NSUN6: variants seen among roughly 807,000 people sequenced by gnomAD.
NSUN6 encodes the protein tRNA (cytosine(72)-C(5))-methyltransferase NSUN6.
A neutral mutation model predicts 58.0 loss-of-function variants in NSUN6; 64 were observed. That is an observed-to-expected ratio of 1.10 (90% confidence interval 0.90 to 1.36). NSUN6 has a LOEUF of 1.36. Among genes scored for constraint, NSUN6 ranks in the 40% most tolerant of loss-of-function variants. The probability of loss-of-function intolerance (pLI) is 0.00; values close to 1 mark genes in which losing one functional copy is unlikely to be tolerated. For synonymous variants in NSUN6, 231 were observed against 193.9 expected (o/e 1.19, Z -1.59); for missense variants, 701 against 550.1 (o/e 1.27, Z -2.74).
chr10:18,551,788 T>G (rs1487232782), intron 9 of NSUN6, 35 bp downstream of exon 9: 4 of 1,591,228 alleles, frequency 2.5e-6, no homozygotes, highest in Non-Finnish European at 3.4e-6. Context: ...GTAGCAAAAG[T>G]TAACTTTGTT....
At chr10:18,569,906 T>A (rs2056237025) in intron 8 of NSUN6, among the ~76,000 whole-genome samples, 2 of 150,508 alleles carry the variant, frequency 1.3e-5, no homozygotes, top group African/African-American at 4.9e-5. Context: ...TCTATTTCCT[T>A]CCATTCTCCA....
intron 8 of NSUN6, among the ~76,000 whole-genome samples, chr10:18,578,065 T>A (rs2056740555): frequency 6.6e-6 from 1 of 152,138 alleles, no homozygotes; most frequent in South Asian, 2.1e-4. Context: ...GAAAATTGTA[T>A]ATTCGAGTGC....
At chr10:18,577,624 A>G (rs1464761341) in intron 8 of NSUN6, among the ~76,000 whole-genome samples, 1 of 152,246 alleles carries the variant, frequency 6.6e-6, no homozygotes, top group African/African-American at 2.4e-5. Flanking sequence ...AGAAAGAGCT[A>G]TAAGGAAAAT....
At chr10:18,576,245 T>G (rs1248623766) in intron 8 of NSUN6, among the ~76,000 whole-genome samples, 2 of 152,162 alleles carry the variant, frequency 1.3e-5, no homozygotes, top group African/African-American at 4.8e-5. Flanking sequence ...CTGCATTTGA[T>G]GCTTGCCTTC....
chr10:18,597,810 T>C (rs981946636), intron 6 of NSUN6, among the ~76,000 whole-genome samples: 2 of 152,098 alleles, frequency 1.3e-5, no homozygotes, highest in Admixed American at 6.6e-5. Context: ...ACAAAAAAAC[T>C]GTGAGATGGC....
intron 3 of NSUN6, among the ~76,000 whole-genome samples, chr10:18,622,483 G>A (rs12356286): frequency 0.052 from 7,939 of 152,278 alleles, 290 homozygotes; most frequent in Non-Finnish European, 0.077. Context: ...GGAGTACGAG[G>A]TGGGCAGATT....
chr10:18,650,267 G>GA (rs541294190), intron 1 of NSUN6, among the ~76,000 whole-genome samples: 5 of 147,844 alleles, frequency 3.4e-5, no homozygotes, highest in Non-Finnish European at 7.5e-5. Context: ...TTAAAGATTT[G>GA]AAAAAAAACA....
chr10:18,629,193 C>A (rs1251646449), intron 3 of NSUN6, among the ~76,000 whole-genome samples: 1 of 152,114 alleles, frequency 6.6e-6, no homozygotes, highest in African/African-American at 2.4e-5. Context: ...CCTTTACAGA[C>A]AAGCAAATGC....
At chr10:18,588,821 C>T (rs2057271516) in intron 7 of NSUN6, among the ~76,000 whole-genome samples, 2 of 152,292 alleles carry the variant, frequency 1.3e-5, no homozygotes, top group East Asian at 1.9e-4. Flanking sequence ...AATAACAGCA[C>T]AAAAATGCTG....
At chr10:18,630,220 C>G (rs887901439) in intron 3 of NSUN6, among the ~76,000 whole-genome samples, 1 of 147,942 alleles carries the variant, frequency 6.8e-6, no homozygotes, top group Non-Finnish European at 1.5e-5. Flanking sequence ...AACAAAGACA[C>G]AACATACCAG....
chr10:18,649,046 C>G (rs1302382942), intron 1 of NSUN6, among the ~76,000 whole-genome samples: 1 of 152,094 alleles, frequency 6.6e-6, no homozygotes, highest in South Asian at 2.1e-4. Flanking sequence ...AGCTAATTAG[C>G]TAACATCATA....
chr10:18,652,375 T>A, upstream of NSUN6: 1 of 983,750 alleles, frequency 1.0e-6, no homozygotes, highest in Non-Finnish European at 1.2e-6. Flanking sequence ...CATGGTAATT[T>A]ACACATAAGT....
At chr10:18,557,149 G>T (rs978496824) in intron 8 of NSUN6, among the ~76,000 whole-genome samples, 5 of 151,600 alleles carry the variant, frequency 3.3e-5, no homozygotes, top group East Asian at 1.9e-4. Context: ...AATGGGGAAT[G>T]GAATGCAGTG....
At chr10:18,551,291 TGG>T (rs2054590236) in intron 9 of NSUN6, among the ~76,000 whole-genome samples, 1 of 148,888 alleles carries the variant, frequency 6.7e-6, no homozygotes, top group Non-Finnish European at 1.5e-5. Context: ...TGTGTGTGTG[TGG>T]TAAAATATAA....
intron 8 of NSUN6, among the ~76,000 whole-genome samples, chr10:18,579,080 G>A (rs555349422): frequency 7.2e-5 from 11 of 152,314 alleles, no homozygotes; most frequent in South Asian, 2.1e-4. Flanking sequence ...CATACCTGGC[G>A]TGAGTGAAGT....
At chr10:18,577,098 TTTA>T (rs945809751) in intron 8 of NSUN6, among the ~76,000 whole-genome samples, 7 of 152,186 alleles carry the variant, frequency 4.6e-5, no homozygotes, top group Admixed American at 1.3e-4. Context: ...CCAACGGCGA[TTTA>T]TTAACTACAC....
rs114851949 is a variant in NSUN6 at position 18,571,939 on chromosome 10, C to G, written c.922+14010G>C. Among the ~76,000 whole-genome samples the G allele has an allele frequency of 2.9e-3, 436 of 151,550 alleles. 2 individuals are homozygous for G. The highest frequency in any genetic ancestry group is 9.8e-3 in the African/African-American group (407 of 41,346). On this transcript the variant is annotated intron_variant, in intron 8 of 10. Transcript: ENST00000377304. ...TCCATTCCCCTTTCCATTCCATTCT[C>G]CATTCCATTCCATTTTCTATTCCAC... is the stretch of plus-strand genomic sequence containing the variant.
At chr10:18,559,084 A>G (rs2055279108) in intron 8 of NSUN6, among the ~76,000 whole-genome samples, 2 of 151,254 alleles carry the variant, frequency 1.3e-5, no homozygotes, top group South Asian at 4.2e-4. Flanking sequence ...TGGAATGGAG[A>G]ATGGAATGGA....
At chr10:18,596,435 A>C in intron 6 of NSUN6, 108 bp from the exon 7 acceptor site, 1 of 652,536 alleles carries the variant, frequency 1.5e-6, no homozygotes, top group Non-Finnish European at 2.7e-6. Flanking sequence ...CAGCATCCTC[A>C]CGTCTGCTAA....
Sources: gnomAD v4.1 joint callset for allele counts (sites outside exome capture counted in the v4.1 genomes callset) on GRCh38, gnomAD v4.1.1 for gene constraint, MANE v1.5 for transcripts, NCBI Gene and HGNC (gene_info 2026-07-23, HGNC 2026-07-21) for gene names.